The following NAALADL2 variants were observed in gnomAD, a reference collection of about 807,000 sequenced individuals.
The protein encoded by NAALADL2 is N-acetylated alpha-linked acidic dipeptidase like 2.
In NAALADL2, 76 loss-of-function variants were observed where a neutral mutation model predicts 87.2. That is an observed-to-expected ratio of 0.87 (90% CI 0.72 to 1.05). NAALADL2 has a LOEUF of 1.05. NAALADL2 is among the 50% of genes least tolerant of loss of function. The pLI is 0.00. For synonymous variants in NAALADL2, 354 were observed against 331.0 expected, an observed-to-expected ratio of 1.07 and a Z score of -0.75; for missense variants, 1,089 against 945.8, an observed-to-expected ratio of 1.15 and a Z score of -1.99.
At chr3:174,606,316 C>T (rs568618216) in intron 2 of NAALADL2, among the ~76,000 whole-genome samples, 244 of 152,278 alleles carry the variant, frequency 1.6e-3, no homozygotes, top group African/African-American at 3.2e-3. Flanking sequence ...CAAAGCTGGA[C>T]GGAGAATGAC....
chr3:175,174,048 A>T (rs1735295859), intron 2 of NAALADL2, among the ~76,000 whole-genome samples: 1 of 152,116 alleles, frequency 6.6e-6, no homozygotes, highest in Non-Finnish European at 1.5e-5. Context: ...ACCCTCAATC[A>T]TCCTTAAAAA....
chr3:174,882,624 T>C (rs1236409178), intron 1 of NAALADL2, among the ~76,000 whole-genome samples: 2 of 89,740 alleles, frequency 2.2e-5, no homozygotes, highest in Non-Finnish European at 4.8e-5. Context: ...CATATGCATA[T>C]ATGTGCATAT....
chr3:175,595,903 A>G (rs558427400), intron 10 of NAALADL2, among the ~76,000 whole-genome samples: 3 of 152,118 alleles, frequency 2.0e-5, no homozygotes, highest in Non-Finnish European at 2.9e-5. Context: ...TAAAATTTAT[A>G]TGGAACCAAA....
chr3:174,717,884 G>A (rs976805156), intron 2 of NAALADL2, among the ~76,000 whole-genome samples: 1 of 152,058 alleles, frequency 6.6e-6, no homozygotes, highest in African/African-American at 2.4e-5. Context: ...CCAGTGCTTT[G>A]GGAGGCTGAG....
Position 175,233,907 on chromosome 3 carries a change from GTTTTC to G in NAALADL2, c.546-18_546-14del, listed in dbSNP as rs770919861. On this transcript the variant is annotated intron_variant, in intron 2 of 13. Transcript: ENST00000454872. Reference sequence around the variant, plus strand: ...ATAAAGTATTCTCCTTTTTAAAAAAGTTTTCTTTTCAAATTTATTTCAGAAATTTG... The same window carrying G: ...ATAAAGTATTCTCCTTTTTAAAAAAGTTTTCAAATTTATTTCAGAAATTTG... The G allele has an allele frequency of 1.2e-4, 164 of 1,415,720 alleles. 1 individual carries two copies. The highest frequency in any genetic ancestry group is 1.5e-4 in the Non-Finnish European group (154 of 1,021,484). The allele number at this position is 1,415,720 out of a possible 1,614,324, so 87.7% of individuals were successfully genotyped here. A position where few individuals can be genotyped will look rare whatever the true frequency, so the allele number is the denominator to read the frequency against.
chr3:175,389,109 CA>C (rs1355609902), intron 5 of NAALADL2, among the ~76,000 whole-genome samples: 1 of 151,880 alleles, frequency 6.6e-6, no homozygotes, highest in Non-Finnish European at 1.5e-5. Flanking sequence ...TACTGTTGAC[CA>C]TAAGCTAATT....
chr3:174,527,954 G>GGT (rs1720914144), intron 1 of NAALADL2, among the ~76,000 whole-genome samples: 1 of 152,048 alleles, frequency 6.6e-6, no homozygotes, highest in Non-Finnish European at 1.5e-5. Context: ...CACCAGTTTT[G>GGT]GTTAATAAAG....
At chr3:174,474,826 A>C (rs1351169606) in intron 1 of NAALADL2, among the ~76,000 whole-genome samples, 1 of 152,160 alleles carries the variant, frequency 6.6e-6, no homozygotes. Flanking sequence ...AAAGCAATTG[A>C]GAATTTTGTT....
chr3:174,603,679 T>A (rs972493107), intron 2 of NAALADL2, among the ~76,000 whole-genome samples: 1 of 152,096 alleles, frequency 6.6e-6, no homozygotes. Context: ...GGTTGTTTAT[T>A]TGAAGTTTTT....
At chr3:175,267,870 T>C (rs1181816734) in intron 4 of NAALADL2, among the ~76,000 whole-genome samples, 1 of 152,180 alleles carries the variant, frequency 6.6e-6, no homozygotes, top group Non-Finnish European at 1.5e-5. Flanking sequence ...GGTCAAACTT[T>C]TTAAACATTC....
intron 4 of NAALADL2, among the ~76,000 whole-genome samples, chr3:175,258,582 A>T (rs761360022): frequency 6.6e-6 from 1 of 152,170 alleles, no homozygotes; most frequent in East Asian, 1.9e-4. Flanking sequence ...AAAATAGGTT[A>T]GACTATTAAA....
Position 175,396,729 on chromosome 3 carries a change from G to T in NAALADL2, c.1091-50500G>T, listed in dbSNP as rs193266611. ...TGGTGGGAGGTAATTCAATCATGGGGATGGTTATGTCCATGCTGTTCTTGT... is the reference window on the plus strand; with the variant it reads ...TGGTGGGAGGTAATTCAATCATGGGTATGGTTATGTCCATGCTGTTCTTGT... On this transcript the variant is annotated intron_variant, in intron 5 of 13. Coordinates refer to ENST00000454872, the MANE Select transcript of NAALADL2 (RefSeq NM_207015.3). Among the ~76,000 whole-genome samples, 224 of 152,212 alleles carry T rather than the reference G, an allele frequency of 1.5e-3. 1 individual carries two copies. Among genetic ancestry groups the T allele is most frequent in the African/African-American group, 5.1e-3 (212 of 41,532 alleles).
intron 4 of NAALADL2, among the ~76,000 whole-genome samples, chr3:175,286,112 CTGTT>C (rs1486506326): frequency 6.6e-6 from 1 of 152,114 alleles, no homozygotes; most frequent in Non-Finnish European, 1.5e-5. Context: ...ATGCACTTAT[CTGTT>C]GACATTAGAA....
chr3:174,751,883 C>T (rs567156091), intron 3 of NAALADL2, among the ~76,000 whole-genome samples: 3 of 151,958 alleles, frequency 2.0e-5, no homozygotes, highest in East Asian at 1.9e-4. Context: ...TGTGCGCGTG[C>T]GCAATTTTAT....
intron 4 of NAALADL2, among the ~76,000 whole-genome samples, chr3:175,298,874 C>A (rs1488776717): frequency 6.6e-6 from 1 of 152,070 alleles, no homozygotes; most frequent in Non-Finnish European, 1.5e-5. Context: ...TTATTTTTAT[C>A]CTTTGGTTAA....
At chr3:174,676,573 T>C (rs1196316946) in intron 2 of NAALADL2, among the ~76,000 whole-genome samples, 3 of 152,014 alleles carry the variant, frequency 2.0e-5, no homozygotes, top group African/African-American at 7.2e-5. Context: ...CTATGCACTT[T>C]TGACTTTTTT....
At chr3:174,668,317 A>G (rs1315264685) in intron 2 of NAALADL2, among the ~76,000 whole-genome samples, 5 of 150,988 alleles carry the variant, frequency 3.3e-5, no homozygotes, top group Non-Finnish European at 5.9e-5. Context: ...ATTGCCTTTC[A>G]CTCCCTTGAT....
chr3:174,983,426 G>T (rs148933557), intron 1 of NAALADL2, among the ~76,000 whole-genome samples: 6 of 152,270 alleles, frequency 3.9e-5, no homozygotes, highest in African/African-American at 7.2e-5. Context: ...TGGCTTGGTT[G>T]TATCTTAGTC....
Position 175,462,688 on chromosome 3 carries a change from A to G in NAALADL2, c.1235-713A>G, listed in dbSNP as rs550376989. 9.1e-4 allele frequency among the ~76,000 whole-genome samples: 139 copies of G among 152,242 alleles called. 1 individual carries two copies. Among genetic ancestry groups the G allele is most frequent in the African/African-American group, 3.1e-3 (129 of 41,544 alleles). ...GATCCATCAAATACGGGATTAACACATTTCATCTCCAGAGACTATGTCAGT... is the reference window on the plus strand; with the variant it reads ...GATCCATCAAATACGGGATTAACACGTTTCATCTCCAGAGACTATGTCAGT... On this transcript the variant is annotated intron_variant, in intron 6 of 13. Coordinates refer to ENST00000454872, the MANE Select transcript of NAALADL2 (RefSeq NM_207015.3).
Sources: gnomAD v4.1 joint callset for allele counts (sites outside exome capture counted in the v4.1 genomes callset) on GRCh38, gnomAD v4.1.1 for gene constraint, MANE v1.5 for transcripts, NCBI Gene and HGNC (gene_info 2026-07-23, HGNC 2026-07-21) for gene names.